Variants in CSMD3 observed in about 807,000 individuals in gnomAD.
CSMD3 encodes CUB and sushi domain-containing protein 3.
CSMD3 carries 177 observed loss-of-function variants against 435.2 expected under a neutral mutation model. That is an observed-to-expected ratio of 0.41 (90% CI 0.36 to 0.46). CSMD3 has a LOEUF of 0.46. CSMD3 is among the 20% of genes least tolerant of loss of function. The probability of loss-of-function intolerance (pLI) is 0.34; values close to 1 mark genes in which losing one functional copy is unlikely to be tolerated. For synonymous variants in CSMD3, 1,656 were observed against 1,520.5 expected (o/e 1.09, Z -2.07); for missense variants, 4,265 against 4,504.6 (o/e 0.95, Z 1.52).
Position 112,484,545 on chromosome 8 carries a change from A to G in CSMD3, c.5278+7944T>C, listed in dbSNP as rs576581949. On this transcript the variant is annotated intron_variant, in intron 31 of 70. Transcript: ENST00000297405. ...TATATATGGTCCAGTAAAACTGACAATACACCAGGAAGGTACATTTGAGGT... is the reference window on the plus strand; with the variant it reads ...TATATATGGTCCAGTAAAACTGACAGTACACCAGGAAGGTACATTTGAGGT... Among the ~76,000 whole-genome samples the G allele has an allele frequency of 4.9e-4, 74 of 152,106 alleles. No homozygotes were observed. The South Asian group carries it at 0.015, about 31-fold the overall frequency.
intron 3 of CSMD3, among the ~76,000 whole-genome samples, chr8:113,179,507 A>G (rs998680392): frequency 6.6e-6 from 1 of 151,762 alleles, no homozygotes; most frequent in Non-Finnish European, 1.5e-5. Context: ...CCAAGGTCCA[A>G]TCTTAACTTT....
At position 112,295,861 on chromosome 8, in the gene CSMD3, A is replaced by G. The variant is rs766902659; in HGVS notation, c.8586T>C (p.Asn2862=). The G allele has an allele frequency of 6.2e-6, 10 of 1,613,902 alleles. No homozygotes were observed. Among genetic ancestry groups the G allele is most frequent in the African/African-American group, 5.3e-5 (4 of 74,892 alleles). The part of the protein sequence containing the change: ...SSVRICQQDH[N]WSGQLPSCVP... ...CACAGGATGGGAGCTGACCAGACCA[A>G]TTGTGATCCTGTTGACATATCCTCA... is the stretch of plus-strand genomic sequence containing the variant. The change falls in exon 54 of 71, where the codon AAT becomes AAC. Residue 2862 remains asparagine (N), a synonymous_variant. Transcript: ENST00000297405.
intron 1 of CSMD3, among the ~76,000 whole-genome samples, chr8:113,337,482 TAACTC>T (rs1197040311): frequency 2.0e-5 from 3 of 152,104 alleles, no homozygotes; most frequent in Non-Finnish European, 4.4e-5. Flanking sequence ...ACAGAAAAAT[TAACTC>T]AAAAAGGACA....
At chr8:113,324,960 G>A (rs954528200) in intron 1 of CSMD3, among the ~76,000 whole-genome samples, 1 of 152,204 alleles carries the variant, frequency 6.6e-6, no homozygotes, top group Non-Finnish European at 1.5e-5. Flanking sequence ...TGCCCTGCTG[G>A]ATTTTGAACT....
At chr8:113,197,295 CTA>C (rs57906563) in intron 3 of CSMD3, among the ~76,000 whole-genome samples, 44 of 149,002 alleles carry the variant, frequency 3.0e-4, no homozygotes, top group African/African-American at 8.1e-4. Context: ...TGCCTTCAGC[CTA>C]TATATATATA....
chr8:113,099,995 T>C (rs1230263828), intron 4 of CSMD3, among the ~76,000 whole-genome samples: 1 of 152,046 alleles, frequency 6.6e-6, no homozygotes, highest in Non-Finnish European at 1.5e-5. Flanking sequence ...GACCGATAGC[T>C]CCAGAACCTA....
At chr8:112,251,502 A>G (rs534090842) in intron 63 of CSMD3, among the ~76,000 whole-genome samples, 1 of 150,650 alleles carries the variant, frequency 6.6e-6, no homozygotes, top group Non-Finnish European at 1.5e-5. Flanking sequence ...ATTGAAAGTA[A>G]TTTTTTTTTA....
chr8:112,728,385 A>G (rs2077009287), intron 13 of CSMD3, among the ~76,000 whole-genome samples: 14 of 152,012 alleles, frequency 9.2e-5, no homozygotes, highest in Admixed American at 9.2e-4. Flanking sequence ...ATATCTATAC[A>G]CGTATGTATG....
chr8:112,321,588 T>C (rs1823000531), intron 45 of CSMD3, among the ~76,000 whole-genome samples: 1 of 152,234 alleles, frequency 6.6e-6, no homozygotes, highest in African/African-American at 2.4e-5. Flanking sequence ...AGAGATTAAT[T>C]GGCTAATAAA....
chr8:113,308,219 T>C (rs1038871636), intron 2 of CSMD3, among the ~76,000 whole-genome samples: 2 of 151,402 alleles, frequency 1.3e-5, no homozygotes, highest in African/African-American at 4.8e-5. Flanking sequence ...CATTAATTTT[T>C]CTTTTTAGTT....
chr8:112,460,576 C>G (rs1388969818), intron 32 of CSMD3, among the ~76,000 whole-genome samples: 1 of 151,878 alleles, frequency 6.6e-6, no homozygotes, highest in Non-Finnish European at 1.5e-5. Flanking sequence ...TGATCTCTGT[C>G]CAGATATTGA....
chr8:112,242,931 T>C (rs545367863), intron 65 of CSMD3, among the ~76,000 whole-genome samples: 76 of 152,234 alleles, frequency 5.0e-4, no homozygotes, highest in African/African-American at 1.8e-3. Context: ...GATGGCTAAG[T>C]ACTGCATCTT....
chr8:112,807,524 GT>G lies in CSMD3; in HGVS notation c.1860-7251del, dbSNP rs1286219198. ...GGTAGGTAGGTAGGTAGGTAGGTAGGTAGGTAGGTAGGTAGGAAATACATGT... is the reference window on the plus strand; with the variant it reads ...GGTAGGTAGGTAGGTAGGTAGGTAGGAGGTAGGTAGGTAGGAAATACATGT... On this transcript the variant is annotated intron_variant, in intron 12 of 70. Coordinates refer to ENST00000297405, the MANE Select transcript of CSMD3 (RefSeq NM_198123.2). 7.1e-4 allele frequency among the ~76,000 whole-genome samples: 108 copies of G among 151,878 alleles called. 1 individual carries two copies. The highest frequency in any genetic ancestry group is 2.3e-3 in the African/African-American group (96 of 41,410).
At chr8:112,846,490 A>T (rs2080323843) in intron 11 of CSMD3, among the ~76,000 whole-genome samples, 1 of 151,508 alleles carries the variant, frequency 6.6e-6, no homozygotes, top group East Asian at 1.9e-4. Context: ...CCATCCTTAA[A>T]CTCCTGGACT....
At chr8:112,695,956 T>G (rs182492472) in intron 13 of CSMD3, among the ~76,000 whole-genome samples, 2 of 152,148 alleles carry the variant, frequency 1.3e-5, no homozygotes, top group East Asian at 1.9e-4. Flanking sequence ...AGAGCCAAAT[T>G]ATGAGTGAAC....
chr8:112,785,139 T>A (rs2078504633), intron 13 of CSMD3, among the ~76,000 whole-genome samples: 1 of 151,980 alleles, frequency 6.6e-6, no homozygotes, highest in Admixed American at 6.6e-5. Context: ...ATATAGCATA[T>A]TAATAGAATG....
intron 10 of CSMD3, among the ~76,000 whole-genome samples, chr8:112,874,108 G>A (rs868143889): frequency 1.3e-5 from 2 of 152,142 alleles, no homozygotes; most frequent in South Asian, 4.2e-4. Flanking sequence ...GGTATGTTGT[G>A]TCTTTGTTTT....
intron 8 of CSMD3, among the ~76,000 whole-genome samples, chr8:112,949,671 C>T (rs1233205785): frequency 6.6e-6 from 1 of 151,968 alleles, no homozygotes; most frequent in Non-Finnish European, 1.5e-5. Flanking sequence ...CATTTTCATC[C>T]ACCTACAATA....
At chr8:112,921,855 T>C in intron 9 of CSMD3, 104 bp from the exon 10 acceptor site, 2 of 842,928 alleles carry the variant, frequency 2.4e-6, no homozygotes, top group East Asian at 2.6e-5. Flanking sequence ...TGTACTATAG[T>C]GACAAAAAGT....
Sources: gnomAD v4.1 joint callset for allele counts (sites outside exome capture counted in the v4.1 genomes callset) on GRCh38, gnomAD v4.1.1 for gene constraint, MANE v1.5 for transcripts, NCBI Gene and HGNC (gene_info 2026-07-23, HGNC 2026-07-21) for gene names.